Variants in NLGN1 observed in about 807,000 individuals in gnomAD.
NLGN1 encodes neuroligin 1, also known as neuroligin-1.
NLGN1 carries 12 observed loss-of-function variants against 65.5 expected under a neutral mutation model. The observed-to-expected ratio is 0.18, with a 90% CI of 0.12 to 0.30. The LOEUF (loss-of-function observed/expected upper bound fraction) is 0.30, where lower values mean the gene tolerates loss of function less well. Ranked by LOEUF, NLGN1 falls within the 10% of genes least tolerant of loss-of-function variation. The pLI, the probability that NLGN1 is intolerant of heterozygous loss-of-function variation, is 1.00. For missense variants in NLGN1, 750 were observed against 1,007.1 expected (o/e 0.74, Z 3.46); for synonymous variants, 350 against 359.5 (o/e 0.97, Z 0.30).
At chr3:173,462,018 T>G (rs1306637659) in intron 2 of NLGN1, among the ~76,000 whole-genome samples, 2 of 152,178 alleles carry the variant, frequency 1.3e-5, no homozygotes, top group Non-Finnish European at 2.9e-5. Context: ...CTATAAGTTA[T>G]TATCAATTGC....
intron 4 of NLGN1, among the ~76,000 whole-genome samples, chr3:174,221,547 T>A (rs1347225644): frequency 6.6e-6 from 1 of 152,058 alleles, no homozygotes; most frequent in Non-Finnish European, 1.5e-5. Flanking sequence ...TCATGAACAA[T>A]AAGTTTATTA....
At chr3:173,444,914 T>C (rs1560261424) in intron 2 of NLGN1, among the ~76,000 whole-genome samples, 2 of 151,928 alleles carry the variant, frequency 1.3e-5, no homozygotes. Flanking sequence ...AATATTTTCT[T>C]TGGTGTTTTA....
chr3:173,520,251 T>G (rs888309770), intron 2 of NLGN1, among the ~76,000 whole-genome samples: 5 of 152,176 alleles, frequency 3.3e-5, no homozygotes, highest in African/African-American at 1.2e-4. Context: ...CTCAGGTATT[T>G]CTTTATAGCA....
chr3:174,199,010 G>A (rs1733970376), intron 4 of NLGN1, among the ~76,000 whole-genome samples: 1 of 152,020 alleles, frequency 6.6e-6, no homozygotes, highest in African/African-American at 2.4e-5. Context: ...ACCACGCCAG[G>A]CTAATTTTGT....
intron 4 of NLGN1, among the ~76,000 whole-genome samples, chr3:174,098,470 A>G (rs941999865): frequency 6.6e-6 from 1 of 152,144 alleles, no homozygotes; most frequent in Non-Finnish European, 1.5e-5. Context: ...AAACATTTTT[A>G]CCAAATTCAG....
At chr3:173,764,636 T>C (rs1682323799) in intron 3 of NLGN1, among the ~76,000 whole-genome samples, 1 of 152,108 alleles carries the variant, frequency 6.6e-6, no homozygotes, top group African/African-American at 2.4e-5. Flanking sequence ...TTTCCATTAG[T>C]CACAATTAGC....
intron 3 of NLGN1, among the ~76,000 whole-genome samples, chr3:173,673,628 A>G (rs1203513993): frequency 2.0e-5 from 3 of 152,186 alleles, no homozygotes; most frequent in African/African-American, 4.8e-5. Context: ...CATTTTGTGC[A>G]TGAGGAAACT....
At chr3:173,820,758 G>A (rs987374298) in intron 4 of NLGN1, among the ~76,000 whole-genome samples, 2 of 152,136 alleles carry the variant, frequency 1.3e-5, no homozygotes, top group South Asian at 2.1e-4. Context: ...AGAGGTAACC[G>A]GAGAGTAAAA....
At position 173,990,954 on chromosome 3, in the gene NLGN1, A is replaced by G. The variant is rs112811897; in HGVS notation, c.646+183122A>G. On this transcript the variant is annotated intron_variant, in intron 4 of 6. Transcript: ENST00000457714. ...CTCACATCAAAATTTAGCAGAAGGA[A>G]CAGAGATTTCCCATATACCCCCATA... is the stretch of plus-strand genomic sequence containing the variant. 2.0e-3 allele frequency among the ~76,000 whole-genome samples: 312 copies of G among 152,268 alleles called. 2 individuals are homozygous for G. Among genetic ancestry groups the G allele is most frequent in the African/African-American group, 7.3e-3 (303 of 41,564 alleles).
At chr3:174,014,251 T>G (rs541979412) in intron 4 of NLGN1, among the ~76,000 whole-genome samples, 1 of 152,348 alleles carries the variant, frequency 6.6e-6, no homozygotes, top group Admixed American at 6.5e-5. Context: ...ACTACATTGT[T>G]GTGTTAATAA....
upstream of NLGN1, chr3:173,398,047 T>A (rs975481393): frequency 1.3e-5 from 2 of 151,340 alleles, no homozygotes; most frequent in East Asian, 3.9e-4. Context: ...ACCAAGAGCA[T>A]GGAAATCGGC....
intron 4 of NLGN1, among the ~76,000 whole-genome samples, chr3:173,834,925 C>G (rs898013819): frequency 2.6e-5 from 4 of 152,204 alleles, no homozygotes; most frequent in Admixed American, 2.6e-4. Flanking sequence ...GAGGCGTAAT[C>G]TCTACGCTTT....
intron 2 of NLGN1, among the ~76,000 whole-genome samples, chr3:173,534,681 A>G (rs938483045): frequency 2.6e-5 from 4 of 152,244 alleles, no homozygotes; most frequent in African/African-American, 9.6e-5. Flanking sequence ...AAATGTCTAA[A>G]GGACATAAAG....
At chr3:173,475,582 G>T (rs907209752) in intron 2 of NLGN1, among the ~76,000 whole-genome samples, 6 of 151,986 alleles carry the variant, frequency 3.9e-5, no homozygotes, top group Admixed American at 3.3e-4. Context: ...AACCTTTTTG[G>T]GAGCAAATAC....
intron 4 of NLGN1, among the ~76,000 whole-genome samples, chr3:174,230,750 T>C (rs1001739986): frequency 1.3e-5 from 2 of 152,046 alleles, no homozygotes; most frequent in African/African-American, 4.8e-5. Flanking sequence ...CTGAGAAACA[T>C]AGCAAGATCC....
the NLGN1 span, among the ~76,000 whole-genome samples, chr3:174,293,206 G>A: frequency 6.6e-6 from 1 of 151,458 alleles, no homozygotes; most frequent in East Asian, 1.9e-4. Context: ...GACTGAGATG[G>A]TGCATGTGGA....
At chr3:174,033,561 A>G (rs1730496131) in intron 4 of NLGN1, among the ~76,000 whole-genome samples, 1 of 152,140 alleles carries the variant, frequency 6.6e-6, no homozygotes, top group African/African-American at 2.4e-5. Context: ...TCTAATGGAA[A>G]ACTTAGACAA....
chr3:173,985,335 A>T (rs1302439312), intron 4 of NLGN1, among the ~76,000 whole-genome samples: 5 of 152,112 alleles, frequency 3.3e-5, no homozygotes, highest in Non-Finnish European at 5.9e-5. Context: ...TTTTTATTAG[A>T]GCCTGTACCT....
chr3:174,166,593 T>A (rs188665026), intron 4 of NLGN1, among the ~76,000 whole-genome samples: 15 of 152,248 alleles, frequency 9.9e-5, no homozygotes, highest in Admixed American at 2.6e-4. Context: ...GCTTGCTTTA[T>A]GGACAAATAT....
Sources: allele counts gnomAD v4.1 joint callset (sites outside exome capture counted in the v4.1 genomes callset), GRCh38; gene constraint gnomAD v4.1.1; transcripts MANE v1.5; gene names NCBI Gene and HGNC (gene_info 2026-07-23, HGNC 2026-07-21).